The following GRM4 variants were observed in gnomAD, a reference collection of about 807,000 sequenced individuals.
The protein encoded by GRM4 is glutamate metabotropic receptor 4.
A neutral mutation model predicts 81.7 loss-of-function variants in GRM4; 28 were observed. The ratio of observed to expected loss-of-function variants is 0.34; its 90% CI spans 0.25 to 0.47. GRM4 has a LOEUF of 0.47. Among genes scored for constraint, GRM4 ranks in the 20% least tolerant of loss-of-function variants. The pLI is 1.00. For missense variants in GRM4, 948 were observed against 1,290.0 expected (o/e 0.73, Z 4.06); for synonymous variants, 488 against 528.8 (o/e 0.92, Z 1.06).
In GRM4 at chr6:34,136,493, G is replaced by A. The variant is rs577646979; in HGVS notation, c.-363-2634C>T. Among the ~76,000 whole-genome samples the A allele has an allele frequency of 1.8e-4, 28 of 151,944 alleles. No individual in the cohort carries two copies. The highest frequency in any genetic ancestry group is 4.3e-4 in the African/African-American group (18 of 41,440). On this transcript the variant is annotated intron_variant, in intron 1 of 10. Transcript: ENST00000538487. The surrounding 1 kb of genome is among the most constrained non-coding windows in gnomAD (Gnocchi z 4.1). ...CCCTGCTTAGGCTTCCAGATCCTTC[G>A]TGAGGGCTCACACTGGCTTCTCCTT...
rs1046516981 is a variant in GRM4 at position 34,130,539 on chromosome 6, C to T, written c.519+2439G>A. 3.3e-5 allele frequency among the ~76,000 whole-genome samples: 5 copies of T among 152,250 alleles called. No homozygotes were observed. The East Asian group carries it at 7.7e-4, about 23-fold the overall frequency. On this transcript the variant is annotated intron_variant, in intron 2 of 10. Transcript: ENST00000538487. This position sits in a 1 kb window ranked among gnomAD's most constrained non-coding sequence, Gnocchi z 4.1. ...CTTCACCCCAGGCCCCTCACCCCAC[C>T]CTGGCCCTTCCCCATGCTGGGAGAG... is the stretch of plus-strand genomic sequence containing the variant.
intron 10 of GRM4, among the ~76,000 whole-genome samples, chr6:34,025,423 T>C (rs1352763143): frequency 6.6e-6 from 1 of 152,072 alleles, no homozygotes; most frequent in Non-Finnish European, 1.5e-5. Context: ...AAATCTCCAC[T>C]GACTGCAGGG....
At position 34,121,231 on chromosome 6, in the gene GRM4, T is replaced by C. The variant is rs186384396; in HGVS notation, c.519+11747A>G. Reference sequence around the variant, plus strand: ...CCCCCAGTCCTAAGCCTCAGACTCCTTCCCTGGCTAGGGTCTCCCAGCTGG... The same window carrying C: ...CCCCCAGTCCTAAGCCTCAGACTCCCTCCCTGGCTAGGGTCTCCCAGCTGG... On this transcript the variant is annotated intron_variant, in intron 2 of 10. Coordinates refer to ENST00000538487, the MANE Select transcript of GRM4 (RefSeq NM_000841.4). The surrounding 1 kb of genome is among the most constrained non-coding windows in gnomAD (Gnocchi z 4.6). 6.6e-6 allele frequency among the ~76,000 whole-genome samples: 1 copy of C among 152,260 alleles called. No individual in the cohort carries two copies. The highest frequency in any genetic ancestry group is 1.5e-5 in the Non-Finnish European group (1 of 68,002).
At chr6:34,087,531 G>A (rs1767962921) in intron 3 of GRM4, among the ~76,000 whole-genome samples, 1 of 151,932 alleles carries the variant, frequency 6.6e-6, no homozygotes, top group African/African-American at 2.4e-5. Context: ...CCAGAGCCCA[G>A]GCGAGGCCTG....
chr6:34,145,573 AGAGAGCGCGCTG>A (rs1294272973), intron 1 of GRM4, among the ~76,000 whole-genome samples: 2 of 152,216 alleles, frequency 1.3e-5, no homozygotes, highest in East Asian at 1.9e-4. Context: ...AGAGCGAGCT[AGAGAGCGCGCTG>A]GAGAGCGAGC....
chr6:34,151,801 C>G (rs114723619), intron 1 of GRM4, among the ~76,000 whole-genome samples: 1 of 151,574 alleles, frequency 6.6e-6, no homozygotes, highest in African/African-American at 2.4e-5. Context: ...ACACACTCCA[C>G]GAACAGACCA....
intron 2 of GRM4, among the ~76,000 whole-genome samples, chr6:34,122,728 TTGTCTGTC>T (rs370079388): frequency 1.6e-4 from 24 of 150,664 alleles, no homozygotes; most frequent in Non-Finnish European, 2.2e-4. Flanking sequence ...CTTCCCCGGT[TTGTCTGTC>T]TGTCTGTCTG....
intron 2 of GRM4, chr6:34,102,209 C>T (rs996052923): frequency 3.4e-6 from 5 of 1,478,896 alleles, no homozygotes; most frequent in Non-Finnish European, 4.6e-6. Flanking sequence ...AAAATTCACA[C>T]ACCAGCCTTC....
chr6:34,103,445 G>A, intron 2 of GRM4: 1 of 689,416 alleles, frequency 1.5e-6, no homozygotes, highest in Non-Finnish European at 2.6e-6. Flanking sequence ...CTCGATGCAG[G>A]CTCAGAGGCA....
intron 6 of GRM4, among the ~76,000 whole-genome samples, chr6:34,045,114 G>A (rs1374817244): frequency 6.6e-6 from 1 of 152,224 alleles, no homozygotes; most frequent in Non-Finnish European, 1.5e-5. Context: ...ACAACGACAG[G>A]ACCTAGGTGA....
chr6:34,023,645 C>A (rs929574547), intron 10 of GRM4, among the ~76,000 whole-genome samples: 1 of 152,190 alleles, frequency 6.6e-6, no homozygotes, highest in African/African-American at 2.4e-5. Context: ...TTACTCCACA[C>A]CAGGACTGGG....
chr6:34,038,679 C>T (rs34208448), intron 8 of GRM4, among the ~76,000 whole-genome samples: 36,744 of 146,200 alleles, frequency 0.25, 4,827 homozygotes, highest in African/African-American at 0.4. Context: ...AACCCCATCT[C>T]ACCTCCCCCC....
intron 2 of GRM4, among the ~76,000 whole-genome samples, chr6:34,132,618 C>T (rs1228463405): frequency 6.6e-6 from 1 of 152,216 alleles, no homozygotes; most frequent in Non-Finnish European, 1.5e-5. Flanking sequence ...CCTATCTCCT[C>T]CTCCCTCTGT....
At chr6:34,137,434 G>C (rs985826143) in intron 1 of GRM4, among the ~76,000 whole-genome samples, 2 of 152,222 alleles carry the variant, frequency 1.3e-5, no homozygotes, top group African/African-American at 4.8e-5. Context: ...AGCTGGTGGG[G>C]GACAGCTGCA....
chr6:34,103,932 A>C lies in GRM4; in HGVS notation c.520-11833T>G, dbSNP rs997029898. On this transcript the variant is annotated intron_variant, in intron 2 of 10. Coordinates refer to ENST00000538487, the MANE Select transcript of GRM4 (RefSeq NM_000841.4). ...TTGGCCCAGATGTTCAGAGCCAGCC[A>C]TGCACCTCTCTCACACACAGGAGGT... is the stretch of plus-strand genomic sequence containing the variant. 3 of 1,136,124 alleles carry C rather than the reference A, an allele frequency of 2.6e-6. No homozygotes were observed. In the Admixed American group the frequency reaches 1.1e-4, roughly 43 times the overall value. The allele number at this position is 1,136,124 out of a possible 1,614,324, so 70.4% of individuals were successfully genotyped here.
chr6:34,153,298 C>T (rs1438496039), intron 1 of GRM4, among the ~76,000 whole-genome samples: 1 of 152,212 alleles, frequency 6.6e-6, no homozygotes, highest in Non-Finnish European at 1.5e-5. Flanking sequence ...CAGGGCTGCA[C>T]AGAGATTTCA....
intron 3 of GRM4, chr6:34,063,743 C>A (rs536670292): frequency 2.6e-5 from 4 of 152,254 alleles, no homozygotes; most frequent in African/African-American, 7.2e-5. Context: ...ACTGGCTGCA[C>A]CACTGGCCGG....
chr6:34,155,055 C>T, intron 1 of GRM4: 3 of 1,479,972 alleles, frequency 2.0e-6, no homozygotes, highest in Non-Finnish European at 2.7e-6. Flanking sequence ...GGGACACGCC[C>T]GGATTGAGAG....
At chr6:34,145,478 CG>C (rs1204082292) in intron 1 of GRM4, among the ~76,000 whole-genome samples, 1 of 152,170 alleles carries the variant, frequency 6.6e-6, no homozygotes, top group African/African-American at 2.4e-5. Flanking sequence ...GGGAGCGGAG[CG>C]GGAGCGACCA....
Sources: allele counts gnomAD v4.1 joint callset (sites outside exome capture counted in the v4.1 genomes callset), GRCh38; gene constraint gnomAD v4.1.1; non-coding constraint Gnocchi (gnomAD v3.1); transcripts MANE v1.5; gene names NCBI Gene and HGNC (gene_info 2026-07-23, HGNC 2026-07-21).